Variants in DPY19L2 observed in about 807,000 individuals in gnomAD.
DPY19L2 encodes dpy-19 like 2, also known as probable C-mannosyltransferase DPY19L2.
In DPY19L2, 34 loss-of-function variants were observed where a neutral mutation model predicts 97.9. The observed-to-expected ratio is 0.35, with a 90% CI of 0.26 to 0.46. The LOEUF (loss-of-function observed/expected upper bound fraction) is 0.46. Among genes scored for constraint, DPY19L2 ranks in the 20% least tolerant of loss-of-function variants. The probability of loss-of-function intolerance (pLI) is 1.00; values close to 1 mark genes in which losing one functional copy is unlikely to be tolerated. For synonymous variants in DPY19L2, 230 were observed against 307.9 expected, an observed-to-expected ratio of 0.75 and a Z score of 2.65; for missense variants, 623 against 911.4, an observed-to-expected ratio of 0.68 and a Z score of 4.07.
chr12:63,640,954 G>A (rs570151023), intron 6 of DPY19L2, among the ~76,000 whole-genome samples: 14 of 152,112 alleles, frequency 9.2e-5, no homozygotes, highest in South Asian at 4.1e-4. Flanking sequence ...GTGCAGTGGC[G>A]CAATGTCGGC....
At chr12:63,619,178 C>T (rs1888293861) in intron 9 of DPY19L2, among the ~76,000 whole-genome samples, 1 of 151,986 alleles carries the variant, frequency 6.6e-6, no homozygotes, top group Non-Finnish European at 1.5e-5. Flanking sequence ...TGGTGGCTCA[C>T]GCCTATAATC....
At chr12:63,626,297 C>T (rs948663177) in intron 7 of DPY19L2, among the ~76,000 whole-genome samples, 172 bp downstream of exon 7, 2 of 151,592 alleles carry the variant, frequency 1.3e-5, no homozygotes, top group African/African-American at 4.8e-5. Flanking sequence ...GAAATTCTAG[C>T]TATTTAAACA....
intron 12 of DPY19L2, among the ~76,000 whole-genome samples, chr12:63,603,530 T>A (rs1316976514): frequency 1.3e-5 from 2 of 152,008 alleles, no homozygotes; most frequent in Admixed American, 6.5e-5. Context: ...TCCCCTACCC[T>A]CCCCTGACAA....
At chr12:63,602,618 T>C (rs2137588103) in intron 12 of DPY19L2, among the ~76,000 whole-genome samples, 1 of 152,194 alleles carries the variant, frequency 6.6e-6, no homozygotes, top group Middle Eastern at 3.4e-3. Flanking sequence ...AGTAGAACTA[T>C]GAAAAATGAA....
chr12:63,626,998 C>A (rs1375924471), intron 6 of DPY19L2, among the ~76,000 whole-genome samples: 1 of 152,118 alleles, frequency 6.6e-6, no homozygotes, highest in Non-Finnish European at 1.5e-5. Context: ...AAGCTAGTCT[C>A]GAACTCCTGA....
chr12:63,594,009 A>G (rs1592487525), intron 16 of DPY19L2, 78 bp downstream of exon 16: 1 of 1,032,824 alleles, frequency 9.7e-7, no homozygotes, highest in East Asian at 2.8e-5. Flanking sequence ...ATGCATATTC[A>G]TTTGAAAAAT....
intron 3 of DPY19L2, among the ~76,000 whole-genome samples, chr12:63,663,320 T>C (rs948416862): frequency 5.9e-5 from 9 of 152,092 alleles, no homozygotes; most frequent in African/African-American, 2.2e-4. Flanking sequence ...AACAGAAAAT[T>C]ATTTTAAAAT....
chr12:63,600,611 C>CTTTTTTTTT (rs71434019), intron 12 of DPY19L2, among the ~76,000 whole-genome samples: 4 of 110,594 alleles, frequency 3.6e-5, no homozygotes, highest in African/African-American at 7.0e-5. Context: ...TATCCTAAAT[C>CTTTTTTTTT]TTTTTTTTTT....
At chr12:63,617,470 T>G in intron 10 of DPY19L2, 80 bp from the exon 11 acceptor site, 1 of 878,972 alleles carries the variant, frequency 1.1e-6, no homozygotes. Context: ...TATAGCCATT[T>G]CTAATGCAAA....
rs574965353 is a variant in DPY19L2 at position 63,583,783 on chromosome 12, T to C, written c.1605+29A>G. The C allele has an allele frequency of 2.5e-6, 4 of 1,607,240 alleles. No homozygotes were observed. In the South Asian group the frequency reaches 4.4e-5, roughly 18 times the overall value. ...CTCAAACTACAATTTAATACACAAG[T>C]CTACCAGAGATTAAAATGAAAGCTT... On this transcript the variant is annotated intron_variant, in intron 17 of 21. Transcript: ENST00000324472.
intron 5 of DPY19L2, among the ~76,000 whole-genome samples, chr12:63,646,484 G>A (rs961161474): frequency 5.9e-5 from 9 of 152,096 alleles, no homozygotes; most frequent in African/African-American, 2.2e-4. Flanking sequence ...TATCCCAAGA[G>A]TTGAATGTTG....
chr12:63,618,690 A>T (rs1051282656), intron 9 of DPY19L2, among the ~76,000 whole-genome samples: 1 of 152,144 alleles, frequency 6.6e-6, no homozygotes, highest in Non-Finnish European at 1.5e-5. Flanking sequence ...CCAGAAATCA[A>T]GCAGCCCTCA....
At chr12:63,668,698 T>A, upstream of DPY19L2, 1 of 349,836 alleles carries the variant, frequency 2.9e-6, no homozygotes, top group East Asian at 6.2e-5. Flanking sequence ...CCCCACACCC[T>A]CCCCAGCGCC....
At chr12:63,631,287 T>C (rs1001187064) in intron 6 of DPY19L2, among the ~76,000 whole-genome samples, 2 of 152,006 alleles carry the variant, frequency 1.3e-5, no homozygotes, top group Non-Finnish European at 2.9e-5. Context: ...GAGCTGGTTT[T>C]TGGGAAAGAT....
At chr12:63,641,500 C>A (rs964116748) in intron 6 of DPY19L2, among the ~76,000 whole-genome samples, 1 of 152,078 alleles carries the variant, frequency 6.6e-6, no homozygotes, top group African/African-American at 2.4e-5. Flanking sequence ...TTTCTATATA[C>A]ATATCAAACT....
chr12:63,610,571 T>C (rs865887213), intron 11 of DPY19L2, among the ~76,000 whole-genome samples: 3 of 150,330 alleles, frequency 2.0e-5, no homozygotes, highest in South Asian at 2.1e-4. Flanking sequence ...TATGAAAACA[T>C]AAAAAAAACT....
rs958076213 is a variant in DPY19L2 at position 63,630,135 on chromosome 12, A to C, written c.804-3609T>G. Among the ~76,000 whole-genome samples the C allele has an allele frequency of 4.6e-5, 7 of 152,186 alleles. 1 individual carries two copies. The highest frequency in any genetic ancestry group is 3.9e-4 in the Admixed American group (6 of 15,282). On this transcript the variant is annotated intron_variant, in intron 6 of 21. Transcript: ENST00000324472. The stretch of plus-strand genomic sequence containing the variant: ...ACATGCCAAATTGTAAAGACCATCA[A>C]AGCTAGGAAGAAACTGCATCAACTA...
chr12:63,668,677 C>T (rs1202432938), upstream of DPY19L2: 1 of 444,728 alleles, frequency 2.2e-6, no homozygotes, highest in Non-Finnish European at 4.1e-6. Flanking sequence ...AGGGCAGCCC[C>T]ACGCACAGCC....
At chr12:63,649,568 G>A (rs1181003282) in intron 4 of DPY19L2, among the ~76,000 whole-genome samples, 5 of 152,040 alleles carry the variant, frequency 3.3e-5, no homozygotes, top group Admixed American at 6.6e-5. Flanking sequence ...ACACAAACTG[G>A]AAAACCTAGA....
Sources: gnomAD v4.1 joint callset for allele counts (sites outside exome capture counted in the v4.1 genomes callset) on GRCh38, gnomAD v4.1.1 for gene constraint, MANE v1.5 for transcripts, NCBI Gene and HGNC (gene_info 2026-07-23, HGNC 2026-07-21) for gene names.